IMMP2L: variants seen among roughly 807,000 people sequenced by gnomAD.
IMMP2L encodes inner mitochondrial membrane peptidase subunit 2, also known as mitochondrial inner membrane protease subunit 2.
In IMMP2L, 18 loss-of-function variants were observed where a neutral mutation model predicts 19.3. That is an observed-to-expected ratio of 0.93 (90% CI 0.64 to 1.38). The LOEUF (loss-of-function observed/expected upper bound fraction) is 1.38. Ranked by LOEUF, IMMP2L falls within the 40% of genes most tolerant of loss-of-function variation. The pLI, the probability that IMMP2L is intolerant of heterozygous loss-of-function variation, is 0.00. For synonymous variants in IMMP2L, 76 were observed against 73.0 expected (o/e 1.04, Z -0.21); for missense variants, 233 against 218.2 (o/e 1.07, Z -0.43).
intron 3 of IMMP2L, among the ~76,000 whole-genome samples, chr7:111,324,428 A>T (rs2130555843): frequency 6.6e-6 from 1 of 152,126 alleles, no homozygotes; most frequent in Admixed American, 6.6e-5. Context: ...GGAAATGCCT[A>T]AAAAGGGAAG....
chr7:111,226,529 G>A (rs1421233751), intron 3 of IMMP2L, among the ~76,000 whole-genome samples: 1 of 151,770 alleles, frequency 6.6e-6, no homozygotes. Context: ...CTGCTTCTGG[G>A]GAATTAAACC....
At chr7:111,435,388 G>C (rs1235089375) in intron 3 of IMMP2L, among the ~76,000 whole-genome samples, 2 of 151,822 alleles carry the variant, frequency 1.3e-5, no homozygotes, top group Non-Finnish European at 2.9e-5. Flanking sequence ...GCAGCAACAT[G>C]GATAGAACTG....
At chr7:111,555,073 G>A (rs1285074129) in intron 1 of IMMP2L, among the ~76,000 whole-genome samples, 1 of 152,104 alleles carries the variant, frequency 6.6e-6, no homozygotes, top group Non-Finnish European at 1.5e-5. Context: ...ATTAAGATCA[G>A]ATCCCTATGT....
At chr7:111,203,790 A>G (rs967264783) in intron 3 of IMMP2L, among the ~76,000 whole-genome samples, 3 of 152,144 alleles carry the variant, frequency 2.0e-5, no homozygotes, top group African/African-American at 7.2e-5. Flanking sequence ...TATAATAAAG[A>G]GCAAAGCAAT....
intron 5 of IMMP2L, among the ~76,000 whole-genome samples, chr7:110,882,339 T>TCCTTCCTTCCTTTCCTTCCTC (rs1809758804): frequency 7.1e-6 from 1 of 140,752 alleles, no homozygotes; most frequent in Non-Finnish European, 1.5e-5. Flanking sequence ...CTTCCTTCCT[T>TCCTTCCTTCCTTTCCTTCCTC]CCCTCCTTCC....
chr7:111,443,399 T>A (rs567893389), intron 3 of IMMP2L, among the ~76,000 whole-genome samples: 1 of 152,310 alleles, frequency 6.6e-6, no homozygotes, highest in South Asian at 2.1e-4. Flanking sequence ...CTGAGTGGGC[T>A]GGTTAAGGAT....
chr7:110,913,858 C>T (rs747922689), intron 4 of IMMP2L, among the ~76,000 whole-genome samples: 7 of 152,116 alleles, frequency 4.6e-5, no homozygotes, highest in Admixed American at 6.5e-5. Flanking sequence ...TTAATGACTT[C>T]CCATTGAAAC....
At chr7:111,528,535 A>G (rs1187775076) in intron 1 of IMMP2L, among the ~76,000 whole-genome samples, 1 of 152,212 alleles carries the variant, frequency 6.6e-6, no homozygotes, top group African/African-American at 2.4e-5. Flanking sequence ...CTTACAAGTG[A>G]GAGTTTCTTG....
At chr7:111,086,312 T>C (rs117726985) in intron 3 of IMMP2L, among the ~76,000 whole-genome samples, 1,897 of 151,448 alleles carry the variant, frequency 0.013, 21 homozygotes, top group Non-Finnish European at 0.021. Context: ...TGGTGGCTTG[T>C]GCCTGTGGTC....
intron 5 of IMMP2L, among the ~76,000 whole-genome samples, chr7:110,738,021 T>C (rs2130853211): frequency 6.6e-6 from 1 of 152,286 alleles, no homozygotes; most frequent in East Asian, 1.9e-4. Context: ...GAACACCCCA[T>C]CAATGAAGCA....
intron 3 of IMMP2L, among the ~76,000 whole-genome samples, chr7:111,348,892 T>G (rs956874370): frequency 5.3e-5 from 8 of 152,254 alleles, no homozygotes; most frequent in African/African-American, 1.9e-4. Context: ...CATAAGCTCC[T>G]AAGGACTTTC....
At chr7:111,436,670 A>G (rs1837203106) in intron 3 of IMMP2L, among the ~76,000 whole-genome samples, 1 of 151,974 alleles carries the variant, frequency 6.6e-6, no homozygotes, top group East Asian at 1.9e-4. Flanking sequence ...GTTAAACTCA[A>G]AGAATCTAAC....
At chr7:111,226,753 T>C (rs978360557) in intron 3 of IMMP2L, among the ~76,000 whole-genome samples, 1 of 152,162 alleles carries the variant, frequency 6.6e-6, no homozygotes, top group Non-Finnish European at 1.5e-5. Context: ...GATTATGATC[T>C]TTGATTCATT....
chr7:111,502,682 A>G (rs1844418252), intron 2 of IMMP2L, among the ~76,000 whole-genome samples: 1 of 151,720 alleles, frequency 6.6e-6, no homozygotes, highest in African/African-American at 2.4e-5. Flanking sequence ...AAAACCACTC[A>G]ACTACATGGA....
rs1798276888 is a variant in IMMP2L at position 110,760,320 on chromosome 7, T to C, written c.409-96599A>G. On this transcript the variant is annotated intron_variant, in intron 5 of 5. Coordinates refer to ENST00000405709, the MANE Select transcript of IMMP2L (RefSeq NM_032549.4). This position sits in a 1 kb window ranked among gnomAD's most constrained non-coding sequence, Gnocchi z 4.2. ...TAAGTTTAAATTGGAAACTTCTTTTTCTAATAGAGATAATCTGTATAGTGT... is the reference window on the plus strand; with the variant it reads ...TAAGTTTAAATTGGAAACTTCTTTTCCTAATAGAGATAATCTGTATAGTGT... 6.6e-6 allele frequency among the ~76,000 whole-genome samples: 1 copy of C among 152,166 alleles called. No individual in the cohort carries two copies. Among genetic ancestry groups the C allele is most frequent in the South Asian group, 2.1e-4 (1 of 4,834 alleles).
chr7:110,788,777 T>C, intron 5 of IMMP2L, among the ~76,000 whole-genome samples: 1 of 151,858 alleles, frequency 6.6e-6, no homozygotes, highest in Non-Finnish European at 1.5e-5. Flanking sequence ...GCTGCCACAA[T>C]ATTTCCCATC....
intron 3 of IMMP2L, among the ~76,000 whole-genome samples, chr7:111,175,195 T>C (rs1806906274): frequency 6.6e-6 from 1 of 151,798 alleles, no homozygotes; most frequent in African/African-American, 2.4e-5. Context: ...TTCTGACTCA[T>C]TTAGAATGTG....
intron 3 of IMMP2L, among the ~76,000 whole-genome samples, chr7:110,993,199 G>C (rs1822671872): frequency 6.6e-6 from 1 of 152,150 alleles, no homozygotes; most frequent in South Asian, 2.1e-4. Context: ...CACAAGAACA[G>C]ACAGACATAT....
At chr7:111,193,007 C>A (rs1809063914) in intron 3 of IMMP2L, among the ~76,000 whole-genome samples, 1 of 151,962 alleles carries the variant, frequency 6.6e-6, no homozygotes, top group Non-Finnish European at 1.5e-5. Context: ...TCTGGATGAT[C>A]CCAGCAGAAG....
Sources: gnomAD v4.1 joint callset for allele counts (sites outside exome capture counted in the v4.1 genomes callset) on GRCh38, gnomAD v4.1.1 for gene constraint, Gnocchi (gnomAD v3.1) non-coding constraint, MANE v1.5 for transcripts, NCBI Gene and HGNC (gene_info 2026-07-23, HGNC 2026-07-21) for gene names.